CADM2: variants seen among roughly 807,000 people sequenced by gnomAD.
CADM2 encodes the protein immunoglobulin superfamily member 4D.
In CADM2, 12 loss-of-function variants were observed where a neutral mutation model predicts 49.8. The ratio of observed to expected loss-of-function variants is 0.24; its 90% CI spans 0.15 to 0.39. The LOEUF (loss-of-function observed/expected upper bound fraction) is 0.39, where lower values mean the gene tolerates loss of function less well. Ranked by LOEUF, CADM2 falls within the 10% of genes least tolerant of loss-of-function variation. CADM2 has a pLI of 1.00. For synonymous variants in CADM2, 214 were observed against 175.4 expected (o/e 1.22, Z -1.74); for missense variants, 378 against 492.3 (o/e 0.77, Z 2.20).
intron 1 of CADM2, among the ~76,000 whole-genome samples, chr3:85,072,128 G>A (rs1001741825): frequency 2.0e-5 from 3 of 151,552 alleles, no homozygotes; most frequent in Non-Finnish European, 4.4e-5. Flanking sequence ...CAAATAATAA[G>A]ATTTAATAAT....
intron 1 of CADM2, among the ~76,000 whole-genome samples, chr3:85,199,988 G>T (rs2041451703): frequency 6.6e-6 from 1 of 151,924 alleles, no homozygotes; most frequent in African/African-American, 2.4e-5. Context: ...TCAGTGTTTA[G>T]CAAACGCTAA....
At position 85,944,290 on chromosome 3, in the gene CADM2, C is replaced by A. The variant is rs571895265; in HGVS notation, c.791+8433C>A. Among the ~76,000 whole-genome samples, 17 of 152,186 alleles carry A rather than the reference C, an allele frequency of 1.1e-4. No homozygotes were observed. In the South Asian group the frequency reaches 3.5e-3, roughly 32 times the overall value. On this transcript the variant is annotated intron_variant, in intron 7 of 9. Coordinates refer to ENST00000383699, the MANE Select transcript of CADM2 (RefSeq NM_001167675.2). ...CATAAAGCAAATCCTTAGAGACCTG[C>A]AAAGAGACTTAGACTCCCACACAAT...
chr3:85,357,240 G>C (rs922566614), intron 1 of CADM2, among the ~76,000 whole-genome samples: 1 of 151,982 alleles, frequency 6.6e-6, no homozygotes, highest in African/African-American at 2.4e-5. Context: ...GAAATTGTCA[G>C]CAAGCTTAGA....
At chr3:85,056,619 C>A (rs150122554) in intron 1 of CADM2, among the ~76,000 whole-genome samples, 172 of 152,122 alleles carry the variant, frequency 1.1e-3, no homozygotes, top group African/African-American at 4.1e-3. Flanking sequence ...TGGCCCTGAG[C>A]AACTTACTTT....
chr3:85,821,991 A>G (rs1384713164), intron 3 of CADM2, among the ~76,000 whole-genome samples: 1 of 152,210 alleles, frequency 6.6e-6, no homozygotes, highest in Non-Finnish European at 1.5e-5. Flanking sequence ...ACACAAAGTT[A>G]TGAGAGAAAC....
chr3:85,321,129 T>C (rs1305617432), intron 1 of CADM2, among the ~76,000 whole-genome samples: 1 of 11,618 alleles, frequency 8.6e-5, no homozygotes, highest in Admixed American at 1.3e-3. Flanking sequence ...TTTTTTTTTT[T>C]TTTTTTTTTT....
intron 1 of CADM2, among the ~76,000 whole-genome samples, chr3:85,556,671 A>G (rs1032282534): frequency 6.6e-6 from 1 of 152,148 alleles, no homozygotes; most frequent in African/African-American, 2.4e-5. Context: ...CAGAGAAACG[A>G]TTTATTTCAC....
At chr3:85,195,063 C>T (rs2041309045) in intron 1 of CADM2, among the ~76,000 whole-genome samples, 1 of 151,988 alleles carries the variant, frequency 6.6e-6, no homozygotes, top group Non-Finnish European at 1.5e-5. Flanking sequence ...CTTTGAGAAG[C>T]AGTTTAAAAT....
rs55971962 is a variant in CADM2, at chr3:85,449,052, AAAT to A, written c.62-277448_62-277446del. ...GCAAAGGGGCGAGACTCCAACTCAAAAATAATAATAATAATAATAATAATGATA... is the reference window on the plus strand; with the variant it reads ...GCAAAGGGGCGAGACTCCAACTCAAAAATAATAATAATAATAATAATGATA... On this transcript the variant is annotated intron_variant, in intron 1 of 9. Transcript: ENST00000383699. Among the ~76,000 whole-genome samples the A allele has an allele frequency of 5.6e-5, 6 of 107,430 alleles. No homozygotes were observed. The South Asian group carries it at 9.3e-4, about 17-fold the overall frequency. 70.5% of individuals were successfully genotyped at this position (107,430 alleles called of 152,430 possible). A position where few individuals can be genotyped will look rare whatever the true frequency, so the allele number is the denominator to read the frequency against.
chr3:85,551,173 G>A (rs1157896665), intron 1 of CADM2, among the ~76,000 whole-genome samples: 1 of 152,058 alleles, frequency 6.6e-6, no homozygotes, highest in Non-Finnish European at 1.5e-5. Flanking sequence ...GTAGAGACGA[G>A]GTTTCTCTAT....
chr3:85,302,462 A>G (rs1359407542), intron 1 of CADM2, among the ~76,000 whole-genome samples: 1 of 151,842 alleles, frequency 6.6e-6, no homozygotes, highest in East Asian at 2.0e-4. Context: ...ATTAAGAATT[A>G]AAATAAGAGT....
In CADM2 at chr3:86,074,214, C is replaced by T. The variant is rs887035865; in HGVS notation, c.*7431C>T. On this transcript the variant is annotated 3_prime_UTR_variant, in exon 10 of 10. Transcript: ENST00000383699. ...TCATATATCCAACCTAAGCTTCTGC[C>T]AATAAGGATTTCAGATAAGCTTTTA... 29 of 151,888 alleles carry T rather than the reference C, an allele frequency of 1.9e-4. 1 individual carries two copies. Among genetic ancestry groups the T allele is most frequent in the African/African-American group, 7.0e-4 (29 of 41,404 alleles). The allele number at this position is 151,888 out of a possible 1,614,324, so 9.4% of individuals were successfully genotyped here.
At chr3:85,296,824 T>A (rs991731353) in intron 1 of CADM2, among the ~76,000 whole-genome samples, 4 of 152,134 alleles carry the variant, frequency 2.6e-5, no homozygotes, top group Non-Finnish European at 4.4e-5. Context: ...GTGTATACCC[T>A]TATCTTTTGA....
intron 2 of CADM2, among the ~76,000 whole-genome samples, chr3:85,795,994 G>A (rs536906151): frequency 6.6e-6 from 1 of 152,310 alleles, no homozygotes; most frequent in South Asian, 2.1e-4. Flanking sequence ...TGAGAAGGAT[G>A]ATATTTTCTT....
chr3:85,727,932 T>A (rs185015046), intron 2 of CADM2, among the ~76,000 whole-genome samples: 1 of 152,260 alleles, frequency 6.6e-6, no homozygotes, highest in Admixed American at 6.5e-5. Context: ...GAAAATCTTT[T>A]GAATGAAACC....
intron 7 of CADM2, among the ~76,000 whole-genome samples, chr3:85,951,818 G>A (rs1365436708): frequency 6.6e-6 from 1 of 150,904 alleles, no homozygotes; most frequent in African/African-American, 2.4e-5. Context: ...TTGATGTTGT[G>A]CTAAAGGCAC....
At chr3:85,700,867 C>G (rs747528700) in intron 1 of CADM2, among the ~76,000 whole-genome samples, 1 of 152,180 alleles carries the variant, frequency 6.6e-6, no homozygotes, top group Non-Finnish European at 1.5e-5. Context: ...TCTGAGCTCT[C>G]CAAGGTTTTC....
intron 1 of CADM2, among the ~76,000 whole-genome samples, chr3:84,988,662 C>T (rs2032720764): frequency 6.6e-6 from 1 of 152,008 alleles, no homozygotes; most frequent in South Asian, 2.1e-4. Flanking sequence ...TTTATTGACT[C>T]ATTGTTTTTA....
chr3:85,629,504 A>G (rs1405685996), intron 1 of CADM2, among the ~76,000 whole-genome samples: 2 of 151,934 alleles, frequency 1.3e-5, no homozygotes, highest in Non-Finnish European at 2.9e-5. Flanking sequence ...CTGGTTATAT[A>G]TATTTAATTG....
Sources: allele counts gnomAD v4.1 joint callset (sites outside exome capture counted in the v4.1 genomes callset), GRCh38; gene constraint gnomAD v4.1.1; transcripts MANE v1.5; gene names NCBI Gene and HGNC (gene_info 2026-07-23, HGNC 2026-07-21).